TAFA4: variants seen among roughly 807,000 people sequenced by gnomAD.
TAFA4 encodes the protein chemokine-like protein TAFA-4.
A neutral mutation model predicts 21.1 loss-of-function variants in TAFA4; 20 were observed. The observed-to-expected ratio is 0.95, with a 90% confidence interval of 0.67 to 1.38. The LOEUF is 1.38. Ranked by LOEUF, TAFA4 falls within the 40% of genes most tolerant of loss-of-function variation. TAFA4 has a pLI of 0.00. For missense variants in TAFA4, 211 were observed against 180.9 expected (o/e 1.17, Z -0.95); for synonymous variants, 71 against 67.4 (o/e 1.05, Z -0.26).
intron 3 of TAFA4, among the ~76,000 whole-genome samples, chr3:68,830,571 G>A (rs1461614963): frequency 1.3e-5 from 2 of 152,126 alleles, no homozygotes; most frequent in African/African-American, 4.8e-5. Context: ...TGTGATTTCT[G>A]TTCTTTTACA....
chr3:68,805,489 T>C (rs367680885), intron 3 of TAFA4, among the ~76,000 whole-genome samples: 11 of 152,322 alleles, frequency 7.2e-5, no homozygotes, highest in East Asian at 5.8e-4. Context: ...CATGCTGCTA[T>C]AAAGACACAT....
chr3:68,769,656 T>A (rs930211737), intron 3 of TAFA4, among the ~76,000 whole-genome samples: 1 of 152,218 alleles, frequency 6.6e-6, no homozygotes, highest in Non-Finnish European at 1.5e-5. Flanking sequence ...AATGCATACA[T>A]GTATCGAAAC....
intron 3 of TAFA4, among the ~76,000 whole-genome samples, chr3:68,800,676 C>T (rs1043667358): frequency 2.6e-5 from 4 of 152,212 alleles, no homozygotes; most frequent in Non-Finnish European, 2.9e-5. Context: ...CTTCTCAGCT[C>T]GCCAGGGACT....
At chr3:68,802,725 T>C (rs181038364) in intron 3 of TAFA4, among the ~76,000 whole-genome samples, 75 of 152,284 alleles carry the variant, frequency 4.9e-4, no homozygotes, top group South Asian at 2.1e-4. Flanking sequence ...CTGACACATA[T>C]AGAGAAATGA....
Position 68,893,048 on chromosome 3 carries a change from C to T in TAFA4, c.-122-7738G>A, listed in dbSNP as rs533230702. ...CAATTTAGCCATAAATCTCTCAAGG[C>T]CCAATTATCCTTACTGCAGAGGGTT... On this transcript the variant is annotated intron_variant, in intron 1 of 5. Transcript: ENST00000295569. Among the ~76,000 whole-genome samples the T allele has an allele frequency of 3.3e-5, 5 of 152,256 alleles. No homozygotes were observed. The East Asian group carries it at 9.7e-4, about 29-fold the overall frequency.
chr3:68,847,127 T>TC (rs1382995772), intron 3 of TAFA4, among the ~76,000 whole-genome samples: 1 of 152,160 alleles, frequency 6.6e-6, no homozygotes, highest in Non-Finnish European at 1.5e-5. Context: ...AGCTGTCCCT[T>TC]CCCCGAGGTG....
At chr3:68,795,453 C>T (rs1461772373) in intron 3 of TAFA4, among the ~76,000 whole-genome samples, 3 of 152,136 alleles carry the variant, frequency 2.0e-5, no homozygotes, top group African/African-American at 4.8e-5. Flanking sequence ...GCATTTACCC[C>T]TAGCCACAAC....
chr3:68,815,665 C>T (rs560743475), intron 3 of TAFA4, among the ~76,000 whole-genome samples: 214 of 152,302 alleles, frequency 1.4e-3, no homozygotes, highest in African/African-American at 4.7e-3. Context: ...CAGGAAACAA[C>T]AGGTGCTGGA....
chr3:68,735,095 G>A (rs1350866362), intron 5 of TAFA4, among the ~76,000 whole-genome samples: 1 of 152,088 alleles, frequency 6.6e-6, no homozygotes, highest in Non-Finnish European at 1.5e-5. Flanking sequence ...AGGGTACCCT[G>A]AGCATTTCAA....
chr3:68,901,479 C>A (rs1327006816), intron 1 of TAFA4, among the ~76,000 whole-genome samples: 2 of 152,092 alleles, frequency 1.3e-5, no homozygotes, highest in African/African-American at 4.8e-5. Flanking sequence ...ATACCCAAGC[C>A]TTCTGAGACA....
intron 3 of TAFA4, among the ~76,000 whole-genome samples, chr3:68,782,683 C>T (rs1431693199): frequency 3.3e-5 from 5 of 152,090 alleles, no homozygotes; most frequent in Admixed American, 1.3e-4. Context: ...TATGAAATGA[C>T]CAAGACAGGC....
chr3:68,914,771 C>T (rs988365167), intron 1 of TAFA4, among the ~76,000 whole-genome samples: 5 of 152,300 alleles, frequency 3.3e-5, no homozygotes, highest in African/African-American at 1.2e-4. Context: ...CAGGGATCAA[C>T]AAACTTTGTC....
At chr3:68,759,500 C>T (rs912079556) in intron 3 of TAFA4, among the ~76,000 whole-genome samples, 5 of 152,086 alleles carry the variant, frequency 3.3e-5, no homozygotes, top group African/African-American at 9.7e-5. Context: ...TAAAAAGGTA[C>T]AGGGGGGATG....
chr3:68,831,121 A>G (rs1704379663), intron 3 of TAFA4, among the ~76,000 whole-genome samples: 1 of 152,184 alleles, frequency 6.6e-6, no homozygotes, highest in African/African-American at 2.4e-5. Flanking sequence ...CAGCACACCA[A>G]TGAGTCTTGA....
chr3:68,861,187 G>C (rs540112326), intron 3 of TAFA4, among the ~76,000 whole-genome samples: 8 of 151,586 alleles, frequency 5.3e-5, no homozygotes, highest in African/African-American at 1.7e-4. Flanking sequence ...GGGTAGTGGG[G>C]AGCTGAAGCA....
intron 3 of TAFA4, among the ~76,000 whole-genome samples, chr3:68,834,651 A>G (rs1324591851): frequency 1.3e-5 from 2 of 151,912 alleles, no homozygotes; most frequent in Non-Finnish European, 2.9e-5. Flanking sequence ...TTCCTCCCAT[A>G]CACCTCCTCA....
chr3:68,894,916 G>A (rs1029595424), intron 1 of TAFA4, among the ~76,000 whole-genome samples: 10 of 152,132 alleles, frequency 6.6e-5, no homozygotes, highest in African/African-American at 1.9e-4. Flanking sequence ...GTGCAATGGC[G>A]TGGTCTCCGC....
chr3:68,775,630 G>A (rs11706249), intron 3 of TAFA4, among the ~76,000 whole-genome samples: 1 of 151,980 alleles, frequency 6.6e-6, no homozygotes, highest in African/African-American at 2.4e-5. Context: ...AAAGCTGAGG[G>A]TGAAGCAGGA....
chr3:68,925,543 C>A (rs1024010315), intron 1 of TAFA4, among the ~76,000 whole-genome samples: 4 of 152,168 alleles, frequency 2.6e-5, no homozygotes, highest in Non-Finnish European at 5.9e-5. Context: ...CTAGACACCA[C>A]TTTAAAAGGT....
Sources: allele counts gnomAD v4.1 joint callset (sites outside exome capture counted in the v4.1 genomes callset), GRCh38; gene constraint gnomAD v4.1.1; transcripts MANE v1.5; gene names NCBI Gene and HGNC (gene_info 2026-07-23, HGNC 2026-07-21).